Variants in MAPK10 observed in about 807,000 individuals in gnomAD.
MAPK10 encodes mitogen-activated protein kinase 10.
A neutral mutation model predicts 59.3 loss-of-function variants in MAPK10; 25 were observed. The observed-to-expected ratio is 0.42, with a 90% CI of 0.31 to 0.59. The LOEUF (loss-of-function observed/expected upper bound fraction) is 0.59. Ranked by LOEUF, MAPK10 falls within the 20% of genes least tolerant of loss-of-function variation. The pLI, the probability that MAPK10 is intolerant of heterozygous loss-of-function variation, is 0.15. For synonymous variants in MAPK10, 190 were observed against 200.5 expected (o/e 0.95, Z 0.44); for missense variants, 351 against 568.9 (o/e 0.62, Z 3.90).
chr4:86,477,876 G>C (rs1303124190), intron 1 of MAPK10, among the ~76,000 whole-genome samples: 1 of 152,058 alleles, frequency 6.6e-6, no homozygotes. Flanking sequence ...CTTCGTCCCA[G>C]CCTCTCTTTG....
intron 2 of MAPK10, among the ~76,000 whole-genome samples, chr4:86,221,653 A>AC (rs1204601160): frequency 6.7e-6 from 1 of 148,830 alleles, no homozygotes; most frequent in Non-Finnish European, 1.5e-5. Context: ...CACCTGGCTG[A>AC]TTTTTGTTTG....
intron 2 of MAPK10, among the ~76,000 whole-genome samples, chr4:86,271,201 T>C (rs1464249496): frequency 6.6e-6 from 1 of 151,954 alleles, no homozygotes; most frequent in Non-Finnish European, 1.5e-5. Context: ...TTTTTTTCAT[T>C]TTAGACATTC....
intron 11 of MAPK10, among the ~76,000 whole-genome samples, chr4:86,039,455 A>C (rs1416891400): frequency 1.3e-5 from 2 of 152,192 alleles, no homozygotes; most frequent in African/African-American, 4.8e-5. Flanking sequence ...AGAGACCCTC[A>C]CAGCCCTAGA....
chr4:86,575,868 C>T lies in MAPK10; in HGVS notation c.-263+18042G>A, dbSNP rs184480944. ...CAAGTCATTTGAGGGAAACCTCTAA[C>T]ATGAGAGAGAAGATAACAATAAACA... On this transcript the variant is annotated intron_variant, in intron 1 of 4. Coordinates refer to the MAPK10 transcript ENST00000502302. Among the ~76,000 whole-genome samples the T allele has an allele frequency of 3.3e-5, 5 of 151,640 alleles. No individual in the cohort carries two copies. The East Asian group carries it at 1.0e-3, about 30-fold the overall frequency.
At chr4:86,220,870 G>A (rs2089341819) in intron 2 of MAPK10, among the ~76,000 whole-genome samples, 6 of 152,140 alleles carry the variant, frequency 3.9e-5, no homozygotes, top group Admixed American at 3.9e-4. Context: ...CTTTAAATAT[G>A]TTCAGGAGAT....
chr4:86,579,323 C>T (rs1019373145), intron 1 of MAPK10, among the ~76,000 whole-genome samples: 1 of 152,028 alleles, frequency 6.6e-6, no homozygotes, highest in Middle Eastern at 3.4e-3. Context: ...TTTTTGTTTT[C>T]TTTTGTTTTT....
chr4:86,586,082 G>C (rs1018052504), intron 1 of MAPK10, among the ~76,000 whole-genome samples: 2 of 152,130 alleles, frequency 1.3e-5, no homozygotes, highest in African/African-American at 4.8e-5. Context: ...AAGTCCCTGT[G>C]GGTCAGGATT....
intron 11 of MAPK10, among the ~76,000 whole-genome samples, chr4:86,042,127 T>C (rs988455526): frequency 6.6e-6 from 1 of 152,242 alleles, no homozygotes; most frequent in Non-Finnish European, 1.5e-5. Context: ...CTTGGAATAC[T>C]ATGCAGCAAT....
chr4:86,298,294 C>T (rs2095407262), intron 2 of MAPK10, among the ~76,000 whole-genome samples: 1 of 152,026 alleles, frequency 6.6e-6, no homozygotes, highest in Admixed American at 6.6e-5. Context: ...TTATTGAATT[C>T]CTCCCCAAAT....
At chr4:86,254,697 G>C (rs1002660517) in intron 2 of MAPK10, among the ~76,000 whole-genome samples, 1 of 145,668 alleles carries the variant, frequency 6.9e-6, no homozygotes, top group East Asian at 2.0e-4. Context: ...AGGTCCGCTT[G>C]GTGCAGAGCT....
At chr4:86,453,242 T>C (rs1564894317), upstream of MAPK10, 1 of 152,298 alleles carries the variant, frequency 6.6e-6, no homozygotes, top group Non-Finnish European at 1.5e-5. Flanking sequence ...TGGAGAAGTC[T>C]CTTGGCCAGA....
intron 1 of MAPK10, among the ~76,000 whole-genome samples, chr4:86,449,752 T>C (rs1162487787): frequency 6.6e-6 from 1 of 152,262 alleles, no homozygotes; most frequent in Admixed American, 6.5e-5. Flanking sequence ...GGCGATAGCA[T>C]AGTCACTTCC....
rs376812665 is a variant in MAPK10 at position 86,576,759 on chromosome 4, T to A, written c.-263+17151A>T. Among the ~76,000 whole-genome samples the A allele has an allele frequency of 4.5e-3, 623 of 137,926 alleles. 2 individuals carry two copies. Among genetic ancestry groups the A allele is most frequent in the African/African-American group, 0.015 (573 of 37,144 alleles). The allele number at this position is 137,926 out of a possible 152,430, so 90.5% of individuals were successfully genotyped here. A position where few individuals can be genotyped will look rare whatever the true frequency, so the allele number is the denominator to read the frequency against. The stretch of plus-strand genomic sequence containing the variant: ...CACTGTAGTCCAGCCTAGGGGACAG[T>A]GCGAGACTCCGTCCCAAAAAAAAAA... On this transcript the variant is annotated intron_variant, in intron 1 of 4. Coordinates refer to the MAPK10 transcript ENST00000502302.
chr4:86,283,902 C>T (rs1013981766), intron 2 of MAPK10, among the ~76,000 whole-genome samples: 1 of 152,090 alleles, frequency 6.6e-6, no homozygotes, highest in African/African-American at 2.4e-5. Context: ...TATCTGTGCT[C>T]CATGTGGGAA....
chr4:86,319,089 T>C (rs894466804), intron 2 of MAPK10, among the ~76,000 whole-genome samples: 2 of 152,146 alleles, frequency 1.3e-5, no homozygotes, highest in Non-Finnish European at 2.9e-5. Flanking sequence ...AAGATTAAAA[T>C]AGCATTTCAA....
At chr4:86,057,152 T>C (rs578069877) in intron 11 of MAPK10, among the ~76,000 whole-genome samples, 2 of 149,234 alleles carry the variant, frequency 1.3e-5, no homozygotes, top group African/African-American at 5.0e-5. Flanking sequence ...TTTGCCGTGT[T>C]GGCCAGGCCC....
At chr4:86,150,137 G>A (rs991869310) in intron 4 of MAPK10, among the ~76,000 whole-genome samples, 2 of 152,232 alleles carry the variant, frequency 1.3e-5, no homozygotes, top group African/African-American at 4.8e-5. Context: ...GGAATGAAAT[G>A]TCTTTTGCAG....
Position 86,012,974 on chromosome 4 carries a change from C to G in MAPK10, c.*4254G>C, listed in dbSNP as rs977365894. ...GGCAGGTGCAAGTTAGGTCTCATTG[C>G]AAGATGGACATGGCAAGGTGAACAG... On this transcript the variant is annotated 3_prime_UTR_variant, in exon 14 of 14. Transcript: ENST00000641462. 1 of 152,134 alleles carries G rather than the reference C, an allele frequency of 6.6e-6. No homozygotes were observed. Among genetic ancestry groups the G allele is most frequent in the African/African-American group, 2.4e-5 (1 of 41,426 alleles). 9.4% of individuals were successfully genotyped at this position (152,134 alleles called of 1,614,324 possible). A position where few individuals can be genotyped will look rare whatever the true frequency, so the allele number is the denominator to read the frequency against.
rs534383897 is a variant in MAPK10, at chr4:86,390,860, C to T, written c.-121-36216G>A. 3.9e-5 allele frequency among the ~76,000 whole-genome samples: 6 copies of T among 152,222 alleles called. No individual in the cohort carries two copies. In the South Asian group the frequency reaches 1.2e-3, roughly 32 times the overall value. On this transcript the variant is annotated intron_variant, in intron 1 of 13. Transcript: ENST00000361569. ...CCCAAAGCAATATATTTGCTCTTGT[C>T]AAAGAAGCTATCAATCTTCTGTCCA...
Sources: gnomAD v4.1 joint callset for allele counts (sites outside exome capture counted in the v4.1 genomes callset) on GRCh38, gnomAD v4.1.1 for gene constraint, MANE v1.5 for transcripts, NCBI Gene and HGNC (gene_info 2026-07-23, HGNC 2026-07-21) for gene names.